The following LHFPL2 variants were observed in gnomAD, a reference collection of about 807,000 sequenced individuals.
LHFPL2 encodes the protein LHFPL tetraspan subfamily member 2 protein.
A neutral mutation model predicts 17.5 loss-of-function variants in LHFPL2; 7 were observed. The observed-to-expected ratio is 0.40, with a 90% CI of 0.23 to 0.75. The LOEUF is 0.75. Among genes scored for constraint, LHFPL2 ranks in the 30% least tolerant of loss-of-function variants. The pLI, the probability that LHFPL2 is intolerant of heterozygous loss-of-function variation, is 0.37. For synonymous variants in LHFPL2, 134 were observed against 116.2 expected (o/e 1.15, Z -0.99); for missense variants, 241 against 294.8 (o/e 0.82, Z 1.34).
chr5:78,639,755 A>C (rs185845184), intron 1 of LHFPL2, among the ~76,000 whole-genome samples: 8 of 152,344 alleles, frequency 5.3e-5, no homozygotes, highest in South Asian at 2.1e-4. Context: ...CTTACTGGTA[A>C]GTTTGTAATT....
chr5:78,594,669 C>T (rs1389282526), intron 2 of LHFPL2, among the ~76,000 whole-genome samples: 1 of 152,150 alleles, frequency 6.6e-6, no homozygotes, highest in Non-Finnish European at 1.5e-5. Context: ...AAGTGTTCCC[C>T]TGGGATAAGA....
At chr5:78,612,849 C>CA (rs1442666003) in intron 2 of LHFPL2, among the ~76,000 whole-genome samples, 5 of 152,190 alleles carry the variant, frequency 3.3e-5, no homozygotes, top group African/African-American at 1.2e-4. Context: ...GCTGGGGAGA[C>CA]AGTGATTTCC....
chr5:78,634,288 C>T (rs1286079784), intron 1 of LHFPL2, among the ~76,000 whole-genome samples: 1 of 152,174 alleles, frequency 6.6e-6, no homozygotes, highest in Non-Finnish European at 1.5e-5. Flanking sequence ...GTTCCCAGGG[C>T]CTGCCCCCAA....
chr5:78,590,930 A>C (rs1306594542), intron 2 of LHFPL2, among the ~76,000 whole-genome samples: 1 of 152,208 alleles, frequency 6.6e-6, no homozygotes, highest in East Asian at 1.9e-4. Flanking sequence ...TTGACCCTTT[A>C]TACCTGGGGG....
At chr5:78,587,853 C>T (rs1239183331) in intron 2 of LHFPL2, among the ~76,000 whole-genome samples, 1 of 152,208 alleles carries the variant, frequency 6.6e-6, no homozygotes, top group African/African-American at 2.4e-5. Flanking sequence ...TTATCATCTC[C>T]CTTCTGGCTG....
At chr5:78,619,630 T>G (rs1340196515) in intron 2 of LHFPL2, among the ~76,000 whole-genome samples, 1 of 131,894 alleles carries the variant, frequency 7.6e-6, no homozygotes, top group South Asian at 2.7e-4. Context: ...TAGGTATATC[T>G]CCTAATGCTA....
chr5:78,557,542 ACC>A (rs1404539013), intron 3 of LHFPL2, among the ~76,000 whole-genome samples: 1 of 152,238 alleles, frequency 6.6e-6, no homozygotes, highest in African/African-American at 2.4e-5. Flanking sequence ...GCCAGAGGAG[ACC>A]AGCTCTTTCA....
At chr5:78,522,899 A>C (rs893285280) in intron 3 of LHFPL2, among the ~76,000 whole-genome samples, 2 of 152,126 alleles carry the variant, frequency 1.3e-5, no homozygotes, top group African/African-American at 4.8e-5. Context: ...CTGGGAAGTA[A>C]ACAGACGGTT....
intron 2 of LHFPL2, among the ~76,000 whole-genome samples, chr5:78,619,736 A>G (rs1273131491): frequency 2.9e-5 from 4 of 138,366 alleles, no homozygotes; most frequent in Non-Finnish European, 4.6e-5. Flanking sequence ...ATTCCCACCT[A>G]TGAGTGAGAA....
intron 4 of LHFPL2, among the ~76,000 whole-genome samples, chr5:78,501,635 G>A (rs539233725): frequency 1.6e-4 from 25 of 152,290 alleles, no homozygotes; most frequent in African/African-American, 5.8e-4. Flanking sequence ...TCACAGACGT[G>A]ATCATATTGC....
At chr5:78,605,905 C>T (rs978084514) in intron 2 of LHFPL2, among the ~76,000 whole-genome samples, 1 of 152,206 alleles carries the variant, frequency 6.6e-6, no homozygotes, top group African/African-American at 2.4e-5. Flanking sequence ...TGCTATTTAA[C>T]CCTCACGATC....
At chr5:78,618,385 G>T (rs1041275814) in intron 2 of LHFPL2, among the ~76,000 whole-genome samples, 1 of 152,178 alleles carries the variant, frequency 6.6e-6, no homozygotes, top group Admixed American at 6.5e-5. Context: ...GCAGCTGGGA[G>T]GTGCTTCTGT....
chr5:78,509,939 A>G lies in LHFPL2; in HGVS notation c.275T>C (p.Ile92Thr). The change falls in exon 4 of 5, where the codon ATC becomes ACC. Residue 92 changes from isoleucine to threonine, a missense_variant. Coordinates refer to ENST00000380345, the MANE Select transcript of LHFPL2 (RefSeq NM_005779.3). ...CGPYAESFGEIASGFWQATAI... is the reference protein window; with the variant it reads ...CGPYAESFGETASGFWQATAI... ...TGTGGCCTGCCAGAAGCCGCTGGCGATCTCGCCGAAGCTCTCGGCGTAGGG... is the reference window on the plus strand; with the variant it reads ...TGTGGCCTGCCAGAAGCCGCTGGCGGTCTCGCCGAAGCTCTCGGCGTAGGG... 1 of 1,613,826 alleles carries G rather than the reference A, an allele frequency of 6.2e-7. No individual in the cohort carries two copies. The highest frequency in any genetic ancestry group is 8.5e-7 in the Non-Finnish European group (1 of 1,180,036).
intron 2 of LHFPL2, among the ~76,000 whole-genome samples, chr5:78,609,715 G>A (rs1265517402): frequency 2.0e-5 from 3 of 151,882 alleles, no homozygotes; most frequent in African/African-American, 7.3e-5. Context: ...ATTTGACATG[G>A]TTTGCAATTA....
At chr5:78,508,559 G>A (rs1039042546) in intron 4 of LHFPL2, among the ~76,000 whole-genome samples, 7 of 152,156 alleles carry the variant, frequency 4.6e-5, no homozygotes, top group Non-Finnish European at 4.4e-5. Flanking sequence ...TTATCTTATC[G>A]GCTGTTTGGG....
At chr5:78,493,709 T>C (rs7700390) in intron 4 of LHFPL2, among the ~76,000 whole-genome samples, 121,755 of 152,190 alleles carry the variant, frequency 0.8, 49,115 homozygotes, top group East Asian at 0.92. Flanking sequence ...AATAGAGACC[T>C]TTGGGTGATT....
intron 3 of LHFPL2, among the ~76,000 whole-genome samples, chr5:78,526,795 A>G (rs1037219874): frequency 5.9e-5 from 9 of 152,228 alleles, no homozygotes; most frequent in African/African-American, 2.2e-4. Context: ...AAGACAAGAC[A>G]GACCTCCATT....
chr5:78,635,758 G>A lies in LHFPL2; in HGVS notation c.-349-3390C>T, dbSNP rs377273202. On this transcript the variant is annotated intron_variant, in intron 1 of 4. Coordinates refer to ENST00000380345, the MANE Select transcript of LHFPL2 (RefSeq NM_005779.3). ...GCAGAGCTTGCAGTGAGCCGAGATCGCGCCACTGCACTCCAGCCTGGGTGA... is the reference window on the plus strand; with the variant it reads ...GCAGAGCTTGCAGTGAGCCGAGATCACGCCACTGCACTCCAGCCTGGGTGA... Among the ~76,000 whole-genome samples, 14 of 152,250 alleles carry A rather than the reference G, an allele frequency of 9.2e-5. 1 individual carries two copies. The East Asian group carries it at 1.2e-3, about 13-fold the overall frequency.
chr5:78,593,133 T>C (rs1282220177), intron 2 of LHFPL2, among the ~76,000 whole-genome samples: 1 of 152,140 alleles, frequency 6.6e-6, no homozygotes, highest in African/African-American at 2.4e-5. Context: ...TCCAGGACAC[T>C]ACCGGGTGCT....
Sources: gnomAD v4.1 joint callset for allele counts (sites outside exome capture counted in the v4.1 genomes callset) on GRCh38, gnomAD v4.1.1 for gene constraint, MANE v1.5 for transcripts, NCBI Gene and HGNC (gene_info 2026-07-23, HGNC 2026-07-21) for gene names.